Variants in KLHL29 observed in about 807,000 individuals in gnomAD.
KLHL29 encodes kelch-like protein 29.
A neutral mutation model predicts 80.4 loss-of-function variants in KLHL29; 21 were observed. The ratio of observed to expected loss-of-function variants is 0.26; its 90% CI spans 0.19 to 0.38. KLHL29 has a LOEUF of 0.38. Among genes scored for constraint, KLHL29 ranks in the 10% least tolerant of loss-of-function variants. The pLI is 1.00. For synonymous variants in KLHL29, 511 were observed against 526.8 expected, an observed-to-expected ratio of 0.97 and a Z score of 0.41; for missense variants, 867 against 1,223.9, an observed-to-expected ratio of 0.71 and a Z score of 4.35.
rs991675182 is a variant in KLHL29 at position 23,684,322 on chromosome 2, A to T, written c.941-77A>T. 1.7e-6 allele frequency: 2 copies of T among 1,153,024 alleles called. No individual in the cohort carries two copies. The highest frequency in any genetic ancestry group is 2.3e-6 in the Non-Finnish European group (2 of 876,920). 71.4% of individuals were successfully genotyped at this position (1,153,024 alleles called of 1,614,324 possible). ...CTATTTCTCTACTTCTTGAAAAAAG[A>T]AAAAAAACTTTTTTTAATTAAAAAA... On this transcript the variant is annotated intron_variant, in intron 5 of 13. Transcript: ENST00000486442. This position sits in a 1 kb window ranked among gnomAD's most constrained non-coding sequence, Gnocchi z 4.4.
intron 8 of KLHL29, among the ~76,000 whole-genome samples, chr2:23,693,964 C>T (rs572191370): frequency 6.6e-6 from 1 of 152,314 alleles, no homozygotes; most frequent in South Asian, 2.1e-4. Context: ...AGAGAGGGCT[C>T]CCGCCCCAGA....
intron 3 of KLHL29, among the ~76,000 whole-genome samples, chr2:23,574,235 C>CT (rs1391522001): frequency 6.6e-6 from 1 of 152,146 alleles, no homozygotes; most frequent in Admixed American, 6.5e-5. Context: ...CCCATGAGAT[C>CT]TTTCCTGGGA....
At chr2:23,593,524 G>T (rs566143925) in intron 3 of KLHL29, among the ~76,000 whole-genome samples, 1 of 152,274 alleles carries the variant, frequency 6.6e-6, no homozygotes, top group South Asian at 2.1e-4. Flanking sequence ...GGTCCCCTTG[G>T]ACAGCAGAAT....
chr2:23,658,129 C>T (rs951832675), intron 5 of KLHL29, among the ~76,000 whole-genome samples: 2 of 152,046 alleles, frequency 1.3e-5, no homozygotes, highest in Non-Finnish European at 2.9e-5. Context: ...CCCATCCTTC[C>T]TCTACCCTCC....
At chr2:23,475,815 G>C (rs4665595) in intron 2 of KLHL29, 148 bp downstream of exon 2, 2,242 of 154,514 alleles carry the variant, frequency 0.015, 79 homozygotes, top group Admixed American at 0.064. Flanking sequence ...TTTACCACAG[G>C]CGTGTGTGAT....
chr2:23,391,530 G>A (rs74563576), intron 1 of KLHL29, among the ~76,000 whole-genome samples: 1 of 152,090 alleles, frequency 6.6e-6, no homozygotes, highest in Non-Finnish European at 1.5e-5. Context: ...CGCGTTCAAG[G>A]GTTCAAGCAA....
At chr2:23,473,938 A>G (rs1392516185) in intron 1 of KLHL29, among the ~76,000 whole-genome samples, 1 of 152,066 alleles carries the variant, frequency 6.6e-6, no homozygotes, top group Non-Finnish European at 1.5e-5. Context: ...AGATGCCCAC[A>G]CGACCTACTC....
chr2:23,561,988 T>C (rs1260440759), intron 2 of KLHL29, among the ~76,000 whole-genome samples, 164 bp from the exon 3 acceptor site: 2 of 152,066 alleles, frequency 1.3e-5, no homozygotes, highest in Non-Finnish European at 2.9e-5. Context: ...GTCTGTGAAG[T>C]GGGGCTAATT....
At chr2:23,564,078 C>T (rs962101033) in intron 3 of KLHL29, among the ~76,000 whole-genome samples, 13 of 152,226 alleles carry the variant, frequency 8.5e-5, no homozygotes, top group African/African-American at 1.2e-4. Context: ...ACCGACTGCT[C>T]GGGGCTCCAG....
intron 5 of KLHL29, among the ~76,000 whole-genome samples, chr2:23,649,618 G>A (rs1419049201): frequency 6.6e-6 from 1 of 152,230 alleles, no homozygotes; most frequent in African/African-American, 2.4e-5. Context: ...CGGGGCTGCG[G>A]GAGCATATGG....
Position 23,427,706 on chromosome 2 carries a change from C to T in KLHL29, c.-154+41926C>T, listed in dbSNP as rs575221166. Among the ~76,000 whole-genome samples, 4 of 152,258 alleles carry T rather than the reference C, an allele frequency of 2.6e-5. No individual in the cohort carries two copies. The East Asian group carries it at 7.7e-4, about 29-fold the overall frequency. On this transcript the variant is annotated intron_variant, in intron 1 of 13. Coordinates refer to ENST00000486442, the MANE Select transcript of KLHL29 (RefSeq NM_052920.2). Reference sequence around the variant, plus strand: ...TAGTAATTTTGGGGTCTATTATTGACTAATTTGGGTAATTCACCTACTGGG... The same window carrying T: ...TAGTAATTTTGGGGTCTATTATTGATTAATTTGGGTAATTCACCTACTGGG...
intron 2 of KLHL29, among the ~76,000 whole-genome samples, chr2:23,542,311 A>T (rs1108529): frequency 0.094 from 14,279 of 152,182 alleles, 1,129 homozygotes; most frequent in African/African-American, 0.22. Flanking sequence ...CAGTAGACCC[A>T]CCTGCCTGGA....
intron 1 of KLHL29, among the ~76,000 whole-genome samples, chr2:23,453,881 A>G (rs1663961346): frequency 6.6e-6 from 1 of 152,116 alleles, no homozygotes; most frequent in African/African-American, 2.4e-5. Context: ...TTTAACCTGC[A>G]TTTACCCTTT....
At chr2:23,703,409 G>T (rs764765089) in intron 12 of KLHL29, 30 bp downstream of exon 12, 10 of 1,439,588 alleles carry the variant, frequency 6.9e-6, no homozygotes. Context: ...TCAGCCCAGG[G>T]CCAGGGTCGC....
intron 3 of KLHL29, among the ~76,000 whole-genome samples, chr2:23,564,715 C>G (rs1049336358): frequency 6.6e-6 from 1 of 152,218 alleles, no homozygotes; most frequent in African/African-American, 2.4e-5. Context: ...GGCCCGGGCC[C>G]AGGTATTTGC....
At chr2:23,540,248 C>A (rs1001091226) in intron 2 of KLHL29, among the ~76,000 whole-genome samples, 18 of 152,224 alleles carry the variant, frequency 1.2e-4, no homozygotes, top group Non-Finnish European at 2.2e-4. Flanking sequence ...GTGGTCCACA[C>A]CTGCACTGTC....
rs941241316 is a variant in KLHL29, at chr2:23,706,869, G to A, written c.*205G>A. Reference sequence around the variant, plus strand: ...AAACGGAGGCACCGCGCTTGGAGCCGCAGGAACCACGATCCCGCCATGGGG... The same window carrying A: ...AAACGGAGGCACCGCGCTTGGAGCCACAGGAACCACGATCCCGCCATGGGG... On this transcript the variant is annotated 3_prime_UTR_variant, in exon 14 of 14. Transcript: ENST00000486442. 13 of 485,202 alleles carry A rather than the reference G, an allele frequency of 2.7e-5. No homozygotes were observed. Among genetic ancestry groups the A allele is most frequent in the African/African-American group, 1.4e-4 (7 of 50,164 alleles). 30.1% of individuals were successfully genotyped at this position (485,202 alleles called of 1,614,324 possible).
At chr2:23,526,706 G>T (rs570325128) in intron 2 of KLHL29, among the ~76,000 whole-genome samples, 1 of 152,190 alleles carries the variant, frequency 6.6e-6, no homozygotes, top group East Asian at 1.9e-4. Context: ...AGTCTCTAGC[G>T]TGGGGTGAGC....
intron 2 of KLHL29, among the ~76,000 whole-genome samples, chr2:23,519,481 A>C (rs1387449077): frequency 6.6e-6 from 1 of 152,190 alleles, no homozygotes; most frequent in Non-Finnish European, 1.5e-5. Context: ...CCAGCCCCGC[A>C]GCAGAATGAG....
Sources: gnomAD v4.1 joint callset for allele counts (sites outside exome capture counted in the v4.1 genomes callset) on GRCh38, gnomAD v4.1.1 for gene constraint, Gnocchi (gnomAD v3.1) non-coding constraint, MANE v1.5 for transcripts, NCBI Gene and HGNC (gene_info 2026-07-23, HGNC 2026-07-21) for gene names.